Variants in KAZN observed in about 807,000 individuals in gnomAD.
KAZN encodes the protein kazrin.
A neutral mutation model predicts 87.4 loss-of-function variants in KAZN; 40 were observed. The observed-to-expected ratio is 0.46, with a 90% CI of 0.36 to 0.60. The LOEUF is 0.60. Ranked by LOEUF, KAZN falls within the 20% of genes least tolerant of loss-of-function variation. The pLI is 0.00. For synonymous variants in KAZN, 466 were observed against 458.3 expected (o/e 1.02, Z -0.22); for missense variants, 898 against 1,073.9 (o/e 0.84, Z 2.29).
intron 2 of KAZN, among the ~76,000 whole-genome samples, chr1:14,315,305 T>G (rs761119821): frequency 1.3e-5 from 2 of 152,120 alleles, no homozygotes; most frequent in African/African-American, 2.4e-5. Context: ...ATTTTATAAA[T>G]GAATACATAC....
At chr1:15,104,671 A>G (rs1450315270) in intron 13 of KAZN, among the ~76,000 whole-genome samples, 1 of 152,178 alleles carries the variant, frequency 6.6e-6, no homozygotes, top group Non-Finnish European at 1.5e-5. Flanking sequence ...TAGTATCCCC[A>G]TCTGAAAAGT....
At chr1:14,977,744 C>T (rs1202627477) in intron 2 of KAZN, among the ~76,000 whole-genome samples, 3 of 152,208 alleles carry the variant, frequency 2.0e-5, no homozygotes, top group Admixed American at 6.5e-5. Context: ...GAGAGGTCCA[C>T]CAGGTGGCTC....
intron 2 of KAZN, among the ~76,000 whole-genome samples, chr1:14,382,280 A>G (rs1175553298): frequency 6.6e-6 from 1 of 152,326 alleles, no homozygotes; most frequent in East Asian, 1.9e-4. Context: ...CAAAATAACA[A>G]TATCAAAATA....
At chr1:14,680,882 C>T (rs901287553) in intron 1 of KAZN, among the ~76,000 whole-genome samples, 9 of 152,090 alleles carry the variant, frequency 5.9e-5, no homozygotes, top group Non-Finnish European at 1.3e-4. Context: ...AGAAAAGAGC[C>T]TTCATTGGCT....
intron 2 of KAZN, among the ~76,000 whole-genome samples, chr1:14,185,735 C>A (rs751387913): frequency 1.3e-5 from 2 of 152,170 alleles, no homozygotes; most frequent in African/African-American, 2.4e-5. Flanking sequence ...AGTTACGGAA[C>A]TTCTGTACTC....
At chr1:14,175,603 T>C (rs1646055962) in intron 1 of KAZN, among the ~76,000 whole-genome samples, 2 of 152,204 alleles carry the variant, frequency 1.3e-5, no homozygotes, top group African/African-American at 4.8e-5. Context: ...GTGTGAGTAG[T>C]GTACGCAAAA....
chr1:14,907,276 C>T (rs1163396267), intron 1 of KAZN, among the ~76,000 whole-genome samples: 1 of 151,684 alleles, frequency 6.6e-6, no homozygotes, highest in Admixed American at 6.6e-5. Context: ...GTGGTGCACG[C>T]TTGTAGTCCC....
At chr1:15,041,684 A>G (rs78776221) in intron 3 of KAZN, among the ~76,000 whole-genome samples, 4,031 of 152,006 alleles carry the variant, frequency 0.027, 201 homozygotes, top group African/African-American at 0.092. Context: ...GGCAGCCCCA[A>G]AGAACCTCAG....
In KAZN at chr1:14,781,239, G is replaced by C. The variant is rs142011587; in HGVS notation, c.227-179445G>C. On this transcript the variant is annotated intron_variant, in intron 1 of 14. Coordinates refer to ENST00000376030, the MANE Select transcript of KAZN (RefSeq NM_201628.3). ...CGGGAGGCTGAGGCAGGAGAATGGCGTGAACCCAGGAGGCGGAGCTTGCAG... is the reference window on the plus strand; with the variant it reads ...CGGGAGGCTGAGGCAGGAGAATGGCCTGAACCCAGGAGGCGGAGCTTGCAG... Among the ~76,000 whole-genome samples, 574 of 152,294 alleles carry C rather than the reference G, an allele frequency of 3.8e-3. 1 individual carries two copies. Among genetic ancestry groups the C allele is most frequent in the African/African-American group, 0.013 (547 of 41,570 alleles).
At chr1:15,062,201 C>T (rs1243671831) in intron 6 of KAZN, 1 of 152,370 alleles carries the variant, frequency 6.6e-6, no homozygotes, top group African/African-American at 2.4e-5. Context: ...CCACCATAGC[C>T]TTGGCACATT....
intron 2 of KAZN, among the ~76,000 whole-genome samples, chr1:14,293,372 G>A (rs996955229): frequency 2.0e-5 from 3 of 152,158 alleles, no homozygotes; most frequent in African/African-American, 4.8e-5. Context: ...TAAATCTTTA[G>A]TTTCTGTGCT....
At chr1:14,078,550 C>CT (rs1387003793) in intron 1 of KAZN, among the ~76,000 whole-genome samples, 1 of 152,232 alleles carries the variant, frequency 6.6e-6, no homozygotes, top group African/African-American at 2.4e-5. Flanking sequence ...TCTCACAGCT[C>CT]TGCAGGCTGG....
chr1:14,051,858 C>CCAAA (rs1330095608), intron 1 of KAZN, among the ~76,000 whole-genome samples: 1 of 152,072 alleles, frequency 6.6e-6, no homozygotes, highest in Non-Finnish European at 1.5e-5. Context: ...AACCAACCAA[C>CCAAA]CAAACAACAA....
rs143036448 is a variant in KAZN, at chr1:14,953,172, C to T, written c.227-7512C>T. On this transcript the variant is annotated intron_variant, in intron 1 of 14. Coordinates refer to ENST00000376030, the MANE Select transcript of KAZN (RefSeq NM_201628.3). ...AATGGACAGGCTGACTCCATGGCCA[C>T]ACCCTTCTCCAGGGGCTGTGTGGGG... Among the ~76,000 whole-genome samples the T allele has an allele frequency of 5.4e-3, 826 of 152,362 alleles. 9 individuals are homozygous for T. Among genetic ancestry groups the T allele is most frequent in the African/African-American group, 0.019 (789 of 41,580 alleles).
At chr1:14,732,081 C>T (rs1643700877) in intron 1 of KAZN, among the ~76,000 whole-genome samples, 2 of 152,218 alleles carry the variant, frequency 1.3e-5, no homozygotes, top group African/African-American at 4.8e-5. Context: ...GAAAACACAG[C>T]GACACCTGTC....
intron 2 of KAZN, among the ~76,000 whole-genome samples, chr1:14,468,221 T>C (rs1388469348): frequency 6.6e-6 from 1 of 152,246 alleles, no homozygotes; most frequent in Non-Finnish European, 1.5e-5. Context: ...GTTTTAATTG[T>C]CCAAAAGAAT....
chr1:14,866,171 T>C (rs991614643), intron 1 of KAZN, among the ~76,000 whole-genome samples: 1 of 77,392 alleles, frequency 1.3e-5, no homozygotes, highest in Non-Finnish European at 2.7e-5. Context: ...GAACTCTCTT[T>C]CAGCTTCCCC....
chr1:14,502,730 A>G (rs1670327529), intron 2 of KAZN, among the ~76,000 whole-genome samples: 1 of 152,206 alleles, frequency 6.6e-6, no homozygotes, highest in Non-Finnish European at 1.5e-5. Context: ...GCATCCCTGC[A>G]AGGTGGGTCA....
At chr1:14,077,883 A>G (rs1643522493) in intron 1 of KAZN, among the ~76,000 whole-genome samples, 1 of 152,146 alleles carries the variant, frequency 6.6e-6, no homozygotes, top group Admixed American at 6.5e-5. Context: ...ATGCATCTCC[A>G]AGCCAGGGAA....
Sources: allele counts gnomAD v4.1 joint callset (sites outside exome capture counted in the v4.1 genomes callset), GRCh38; gene constraint gnomAD v4.1.1; transcripts MANE v1.5; gene names NCBI Gene and HGNC (gene_info 2026-07-23, HGNC 2026-07-21).